FOXP1: variants seen among roughly 807,000 people sequenced by gnomAD.
The protein encoded by FOXP1 is forkhead box P1.
FOXP1 carries 15 observed loss-of-function variants against 98.2 expected under a neutral mutation model. That is an observed-to-expected ratio of 0.15 (90% confidence interval 0.10 to 0.24). The LOEUF (loss-of-function observed/expected upper bound fraction) is 0.24, where lower values mean the gene tolerates loss of function less well. FOXP1 is among the 10% of genes least tolerant of loss of function. The pLI is 1.00. For synonymous variants in FOXP1, 371 were observed against 314.5 expected (o/e 1.18, Z -1.90); for missense variants, 633 against 848.5 (o/e 0.75, Z 3.15).
chr3:71,362,660 G>A (rs1302756980), intron 3 of FOXP1, among the ~76,000 whole-genome samples: 15 of 152,156 alleles, frequency 9.9e-5, no homozygotes, highest in Non-Finnish European at 2.2e-4. Flanking sequence ...TGTAGAGACA[G>A]TGTCTCACTG....
chr3:71,434,286 C>T (rs538031979), intron 3 of FOXP1, among the ~76,000 whole-genome samples: 1 of 151,238 alleles, frequency 6.6e-6, no homozygotes, highest in East Asian at 1.9e-4. Flanking sequence ...CCCCCGAAGA[C>T]TTGTTCCCCC....
chr3:71,183,406 G>A (rs553130138), intron 6 of FOXP1, among the ~76,000 whole-genome samples: 1 of 152,270 alleles, frequency 6.6e-6, no homozygotes, highest in Non-Finnish European at 1.5e-5. Flanking sequence ...GGCTGAGGGA[G>A]GAGAATCGCT....
intron 20 of FOXP1, among the ~76,000 whole-genome samples, chr3:70,961,989 A>G (rs2033646696): frequency 3.3e-5 from 5 of 152,230 alleles, no homozygotes; most frequent in Admixed American, 2.6e-4. Flanking sequence ...CCTGTGAACC[A>G]GCTCTGCTAA....
chr3:71,348,141 TTGTAC>T (rs1183685288), intron 4 of FOXP1, among the ~76,000 whole-genome samples: 8 of 152,174 alleles, frequency 5.3e-5, no homozygotes, highest in Non-Finnish European at 1.2e-4. Flanking sequence ...AACTATTTTC[TTGTAC>T]TGTACTCACT....
chr3:71,036,527 G>A (rs2047615275), intron 11 of FOXP1, among the ~76,000 whole-genome samples: 1 of 152,134 alleles, frequency 6.6e-6, no homozygotes. Flanking sequence ...AAGCAAAAAA[G>A]CTGGGATGAG....
chr3:71,241,608 C>T (rs185280203), intron 5 of FOXP1, among the ~76,000 whole-genome samples: 1 of 152,182 alleles, frequency 6.6e-6, no homozygotes, highest in African/African-American at 2.4e-5. Flanking sequence ...ACAAAGTGGG[C>T]TTATAAGAGA....
intron 3 of FOXP1, among the ~76,000 whole-genome samples, chr3:71,437,263 C>A (rs1349945834): frequency 6.6e-6 from 1 of 152,008 alleles, no homozygotes; most frequent in African/African-American, 2.4e-5. Context: ...AGAAATTGGC[C>A]AGGCTTGGTG....
intron 6 of FOXP1, among the ~76,000 whole-genome samples, chr3:71,177,081 A>T (rs866122055): frequency 6.6e-6 from 1 of 152,248 alleles, no homozygotes; most frequent in Non-Finnish European, 1.5e-5. Context: ...AACAAATGAA[A>T]AAAAGGAAGA....
chr3:71,393,151 T>C (rs925883132), intron 3 of FOXP1, among the ~76,000 whole-genome samples: 1 of 152,194 alleles, frequency 6.6e-6, no homozygotes, highest in Non-Finnish European at 1.5e-5. Flanking sequence ...GTGAATCATT[T>C]TGAAACCTTA....
Position 71,473,131 on chromosome 3 carries a change from G to A in FOXP1, c.-168+20295C>T, listed in dbSNP as rs1418871254. Among the ~76,000 whole-genome samples, 5 of 152,220 alleles carry A rather than the reference G, an allele frequency of 3.3e-5. No individual in the cohort carries two copies. The South Asian group carries it at 6.2e-4, about 19-fold the overall frequency. On this transcript the variant is annotated intron_variant, in intron 3 of 20. Transcript: ENST00000649528. ...ATTTTAGGTAACAGAATAACATCAC[G>A]TGCATAGCTCATTTAATCTCACAGG...
At chr3:71,387,327 C>G (rs1297133566) in intron 3 of FOXP1, among the ~76,000 whole-genome samples, 5 of 152,332 alleles carry the variant, frequency 3.3e-5, no homozygotes, top group East Asian at 1.9e-4. Flanking sequence ...AAGTCTAAAA[C>G]TGGGTTAATA....
intron 3 of FOXP1, among the ~76,000 whole-genome samples, chr3:71,449,254 T>A (rs1192402781): frequency 1.3e-5 from 2 of 151,834 alleles, no homozygotes; most frequent in East Asian, 3.9e-4. Context: ...GTGCCTAGGG[T>A]GCAAAATTTA....
rs72961291 is a variant in FOXP1, at chr3:71,553,727, C to T, written c.-298+27822G>A. The stretch of plus-strand genomic sequence containing the variant: ...GTGCACATTTACAAAAGTTTAATAA[C>T]ATCAATGGAACACTTACACTGATTT... On this transcript the variant is annotated intron_variant, in intron 2 of 20. Coordinates refer to ENST00000649528, the MANE Select transcript of FOXP1 (RefSeq NM_001349338.3). 5.3e-3 allele frequency among the ~76,000 whole-genome samples: 803 copies of T among 152,298 alleles called. 6 individuals are homozygous for T. The highest frequency in any genetic ancestry group is 0.019 in the African/African-American group (773 of 41,560).
chr3:70,976,213 G>T (rs2037484674), intron 17 of FOXP1, among the ~76,000 whole-genome samples: 1 of 151,618 alleles, frequency 6.6e-6, no homozygotes, highest in Admixed American at 6.6e-5. Flanking sequence ...ACCATGCCTG[G>T]CTAATTCATT....
chr3:71,169,618 C>G (rs138192252), intron 6 of FOXP1, among the ~76,000 whole-genome samples: 1 of 151,768 alleles, frequency 6.6e-6, no homozygotes, highest in Admixed American at 6.6e-5. Context: ...CACCGCCCCC[C>G]GCAAATGTAT....
At chr3:71,116,244 A>T (rs1575793938) in intron 6 of FOXP1, among the ~76,000 whole-genome samples, 1 of 152,142 alleles carries the variant, frequency 6.6e-6, no homozygotes, top group Non-Finnish European at 1.5e-5. Flanking sequence ...CAGACCCAAC[A>T]TAGGGTACAT....
intron 3 of FOXP1, among the ~76,000 whole-genome samples, chr3:71,364,007 C>A (rs369940455): frequency 6.6e-6 from 1 of 152,158 alleles, no homozygotes; most frequent in Non-Finnish European, 1.5e-5. Flanking sequence ...GAGCCACCAC[C>A]GCTCCAGTCC....
At chr3:71,262,005 C>T (rs925569178) in intron 5 of FOXP1, among the ~76,000 whole-genome samples, 10 of 152,052 alleles carry the variant, frequency 6.6e-5, no homozygotes, top group Middle Eastern at 6.8e-3. Flanking sequence ...CGGTGGCTCA[C>T]GCCTGTAATC....
At chr3:71,112,456 T>C (rs1194129375) in intron 7 of FOXP1, 80 bp downstream of exon 7, 4 of 1,130,604 alleles carry the variant, frequency 3.5e-6, no homozygotes, top group Non-Finnish European at 5.4e-6. Flanking sequence ...TTTGCAATGC[T>C]CAACACAATC....
Sources: allele counts gnomAD v4.1 joint callset (sites outside exome capture counted in the v4.1 genomes callset), GRCh38; gene constraint gnomAD v4.1.1; transcripts MANE v1.5; gene names NCBI Gene and HGNC (gene_info 2026-07-23, HGNC 2026-07-21).